The following SEMA5A variants were observed in gnomAD, a reference collection of about 807,000 sequenced individuals.
The protein encoded by SEMA5A is semaphorin 5A.
SEMA5A carries 55 observed loss-of-function variants against 135.5 expected under a neutral mutation model. The observed-to-expected ratio is 0.41, with a 90% CI of 0.33 to 0.51. SEMA5A has a LOEUF of 0.51. Ranked by LOEUF, SEMA5A falls within the 20% of genes least tolerant of loss-of-function variation. The probability of loss-of-function intolerance (pLI) is 0.37; values close to 1 mark genes in which losing one functional copy is unlikely to be tolerated. For missense variants in SEMA5A, 1,290 were observed against 1,419.9 expected, an observed-to-expected ratio of 0.91 and a Z score of 1.47; for synonymous variants, 580 against 546.5, an observed-to-expected ratio of 1.06 and a Z score of -0.85.
chr5:9,044,623 G>A (rs751552259), intron 21 of SEMA5A, 39 bp from the exon 22 acceptor site: 1 of 1,544,286 alleles, frequency 6.5e-7, no homozygotes, highest in Non-Finnish European at 8.9e-7. Context: ...CACTTGAAAA[G>A]AACATCCTGC....
chr5:9,366,195 G>A (rs1033682481), intron 3 of SEMA5A, among the ~76,000 whole-genome samples: 1 of 152,136 alleles, frequency 6.6e-6, no homozygotes. Context: ...GTGAAGCAGT[G>A]CAAATTCTCA....
intron 12 of SEMA5A, among the ~76,000 whole-genome samples, chr5:9,139,871 C>T (rs1741969203): frequency 6.6e-6 from 1 of 152,122 alleles, no homozygotes; most frequent in Non-Finnish European, 1.5e-5. Context: ...AACATCACTC[C>T]CCCGATTCCT....
At chr5:9,275,812 AG>A (rs1166354229) in intron 5 of SEMA5A, among the ~76,000 whole-genome samples, 1 of 152,226 alleles carries the variant, frequency 6.6e-6, no homozygotes, top group African/African-American at 2.4e-5. Flanking sequence ...TCAATAAACT[AG>A]GTATTGATGG....
intron 5 of SEMA5A, chr5:9,265,452 C>T (rs1459389395): frequency 2.2e-6 from 1 of 456,318 alleles, no homozygotes; most frequent in Non-Finnish European, 4.4e-6. Flanking sequence ...CACTGTAAGG[C>T]CTGCCTCCCA....
intron 22 of SEMA5A, among the ~76,000 whole-genome samples, chr5:9,043,561 G>C (rs919666515): frequency 2.0e-5 from 3 of 152,136 alleles, no homozygotes; most frequent in African/African-American, 7.2e-5. Flanking sequence ...AGTCATTAAA[G>C]TCACCTGCAG....
At chr5:9,360,421 A>T (rs184179451) in intron 3 of SEMA5A, among the ~76,000 whole-genome samples, 15 of 152,346 alleles carry the variant, frequency 9.8e-5, no homozygotes, top group African/African-American at 3.1e-4. Context: ...ACTACCCTAA[A>T]GAGAGAGTAG....
chr5:9,314,383 A>C (rs1196480264), intron 5 of SEMA5A, among the ~76,000 whole-genome samples: 1 of 152,038 alleles, frequency 6.6e-6, no homozygotes, highest in Non-Finnish European at 1.5e-5. Context: ...GAAAAAAAAA[A>C]AAAAAGTGCA....
chr5:9,537,060 C>CA (rs1354833966), intron 1 of SEMA5A, among the ~76,000 whole-genome samples: 2 of 151,676 alleles, frequency 1.3e-5, no homozygotes, highest in Non-Finnish European at 2.9e-5. Flanking sequence ...GGATGCTTTT[C>CA]AAAAAAGAAA....
At chr5:9,185,537 C>A (rs1744758196) in intron 11 of SEMA5A, among the ~76,000 whole-genome samples, 1 of 151,980 alleles carries the variant, frequency 6.6e-6, no homozygotes, top group Admixed American at 6.6e-5. Flanking sequence ...TATGAATTAT[C>A]CTCTAACTAA....
At chr5:9,058,966 C>A (rs1737038377) in intron 18 of SEMA5A, among the ~76,000 whole-genome samples, 1 of 152,192 alleles carries the variant, frequency 6.6e-6, no homozygotes, top group African/African-American at 2.4e-5. Flanking sequence ...GTTCTGAGCA[C>A]ACCAGAGATG....
rs59096330 is a variant in SEMA5A, at chr5:9,310,802, C to CATATATATAT, written c.270+7560_270+7569dup. On this transcript the variant is annotated intron_variant, in intron 5 of 22. Coordinates refer to ENST00000382496, the MANE Select transcript of SEMA5A (RefSeq NM_003966.3). The stretch of plus-strand genomic sequence containing the variant: ...TAAAGATTCATAGTTTGCATATATA[C>CATATATATAT]ATATATATATATATGAACACACATA... 2.1e-3 allele frequency among the ~76,000 whole-genome samples: 311 copies of CATATATATAT among 146,218 alleles called. 1 individual carries two copies. The highest frequency in any genetic ancestry group is 2.1e-3 in the Non-Finnish European group (138 of 66,556).
chr5:9,305,282 A>G (rs1282505756), intron 5 of SEMA5A, among the ~76,000 whole-genome samples: 1 of 152,116 alleles, frequency 6.6e-6, no homozygotes, highest in Non-Finnish European at 1.5e-5. Context: ...CTATGATCAT[A>G]TATTTTCAAA....
chr5:9,384,603 G>GATAC lies in SEMA5A; in HGVS notation c.-77-4581_-77-4580insGTAT, dbSNP rs1561207745. Among the ~76,000 whole-genome samples, 69 of 107,010 alleles carry GATAC rather than the reference G, an allele frequency of 6.4e-4. 1 individual carries two copies. The highest frequency in any genetic ancestry group is 1.8e-3 in the South Asian group (6 of 3,352). The allele number at this position is 107,010 out of a possible 152,430, so 70.2% of individuals were successfully genotyped here. ...AGATAGATAGATAGATAGATAGATA[G>GATAC]ATAGATAGATAGATACATAGATAGA... On this transcript the variant is annotated intron_variant, in intron 2 of 22. Transcript: ENST00000382496.
chr5:9,057,026 T>A (rs746299523), intron 18 of SEMA5A, among the ~76,000 whole-genome samples: 2 of 152,144 alleles, frequency 1.3e-5, no homozygotes, highest in Non-Finnish European at 2.9e-5. Flanking sequence ...AGCCAGACAC[T>A]GAAAGACAAA....
intron 5 of SEMA5A, among the ~76,000 whole-genome samples, chr5:9,309,380 T>C (rs1480486145): frequency 6.6e-6 from 1 of 152,120 alleles, no homozygotes; most frequent in Non-Finnish European, 1.5e-5. Flanking sequence ...GAGAAAATGC[T>C]AATATCTGTC....
chr5:9,383,836 C>T (rs1258221913), intron 2 of SEMA5A, among the ~76,000 whole-genome samples: 1 of 152,078 alleles, frequency 6.6e-6, no homozygotes, highest in Non-Finnish European at 1.5e-5. Flanking sequence ...ACATCTTTGC[C>T]ACCTGAATGA....
intron 1 of SEMA5A, among the ~76,000 whole-genome samples, chr5:9,497,445 G>C (rs1034124755): frequency 3.9e-5 from 6 of 152,170 alleles, no homozygotes; most frequent in Non-Finnish European, 7.3e-5. Context: ...GGAGAAACTA[G>C]CCAGAGCTTC....
intron 6 of SEMA5A, among the ~76,000 whole-genome samples, chr5:9,234,097 C>G: frequency 6.6e-6 from 1 of 152,218 alleles, no homozygotes; most frequent in East Asian, 1.9e-4. Context: ...CTCATGACCA[C>G]TAAGAAAAGT....
At chr5:9,246,530 C>T (rs1748491613) in intron 5 of SEMA5A, among the ~76,000 whole-genome samples, 1 of 152,114 alleles carries the variant, frequency 6.6e-6, no homozygotes, top group Non-Finnish European at 1.5e-5. Flanking sequence ...TGTTTGCTAG[C>T]AATTAGATAT....
Sources: gnomAD v4.1 joint callset for allele counts (sites outside exome capture counted in the v4.1 genomes callset) on GRCh38, gnomAD v4.1.1 for gene constraint, MANE v1.5 for transcripts, NCBI Gene and HGNC (gene_info 2026-07-23, HGNC 2026-07-21) for gene names.